ACBD6: variants seen among roughly 807,000 people sequenced by gnomAD.
ACBD6 encodes the protein acyl-CoA binding domain containing 6, also known as acyl-CoA-binding domain-containing protein 6.
Under a neutral mutation model 37.2 loss-of-function variants are expected in ACBD6, and 28 were observed. That is an observed-to-expected ratio of 0.75 (90% CI 0.56 to 1.03). ACBD6 has a LOEUF of 1.03. ACBD6 is among the 50% of genes least tolerant of loss of function. The pLI is 0.00. For synonymous variants in ACBD6, 113 were observed against 126.8 expected (o/e 0.89, Z 0.73); for missense variants, 340 against 337.4 (o/e 1.01, Z -0.06).
chr1:180,352,377 G>A lies in ACBD6; in HGVS notation c.664-37655C>T, dbSNP rs76146847. Among the ~76,000 whole-genome samples the A allele has an allele frequency of 3.8e-3, 572 of 152,170 alleles. 15 individuals carry two copies. The highest frequency in any genetic ancestry group is 0.031 in the Admixed American group (477 of 15,286). On this transcript the variant is annotated intron_variant, in intron 6 of 7. Transcript: ENST00000367595. ...TCCTGCCTTAGGCTCCTGAGGATCA[G>A]GAGGTTTTCACCACGTTGGCCAGAT...
exon 14 of ACBD6, chr1:180,271,724 T>C (rs1648673757): frequency 1.5e-6 from 2 of 1,347,520 alleles, no homozygotes; most frequent in East Asian, 4.6e-5. Context: ...CTCCCAGACC[T>C]GTGCTCCATT....
intron 3 of ACBD6, among the ~76,000 whole-genome samples, chr1:180,476,046 T>A (rs368447094): frequency 3.9e-5 from 6 of 152,326 alleles, no homozygotes; most frequent in African/African-American, 1.4e-4. Flanking sequence ...GTATATATTA[T>A]GGCTAGGGGA....
chr1:180,417,374 A>G (rs895010720), intron 4 of ACBD6, among the ~76,000 whole-genome samples: 3 of 152,200 alleles, frequency 2.0e-5, no homozygotes, highest in Non-Finnish European at 4.4e-5. Context: ...TTCAGGAAGT[A>G]TAACCAAAAG....
downstream of ACBD6, among the ~76,000 whole-genome samples, chr1:180,283,315 C>A (rs1158282200): frequency 6.6e-6 from 1 of 152,046 alleles, no homozygotes; most frequent in East Asian, 1.9e-4. Context: ...CTCCTTAATG[C>A]CCTCATAGTC....
intron 3 of ACBD6, among the ~76,000 whole-genome samples, chr1:180,491,082 T>C (rs1651485787): frequency 6.6e-6 from 1 of 152,100 alleles, no homozygotes. Flanking sequence ...ATTTTTAATA[T>C]GTCATAATAT....
chr1:180,413,505 G>A (rs1647946537), intron 4 of ACBD6, 34 bp from the exon 5 acceptor site: 2 of 1,423,020 alleles, frequency 1.4e-6, no homozygotes, highest in Non-Finnish European at 2.0e-6. Flanking sequence ...TTTTTTTACT[G>A]GGTAATACAT....
At chr1:180,464,526 C>T (rs1278205724) in intron 3 of ACBD6, among the ~76,000 whole-genome samples, 1 of 151,876 alleles carries the variant, frequency 6.6e-6, no homozygotes, top group African/African-American at 2.4e-5. Flanking sequence ...AAACACTGCT[C>T]AAAGAAATCA....
intron 3 of ACBD6, among the ~76,000 whole-genome samples, chr1:180,445,487 C>T (rs1182890115): frequency 2.0e-5 from 3 of 152,216 alleles, no homozygotes; most frequent in African/African-American, 7.2e-5. Flanking sequence ...GGCATTATCA[C>T]TGTATTTTAT....
At chr1:180,423,249 A>C (rs1486819578) in intron 4 of ACBD6, among the ~76,000 whole-genome samples, 1 of 152,226 alleles carries the variant, frequency 6.6e-6, no homozygotes, top group African/African-American at 2.4e-5. Flanking sequence ...TCAACGTATA[A>C]GTGGACCTAT....
intron 5 of ACBD6, among the ~76,000 whole-genome samples, chr1:180,399,155 GA>G (rs753141776): frequency 3.9e-5 from 6 of 152,144 alleles, no homozygotes; most frequent in Non-Finnish European, 7.3e-5. Context: ...AAAATCCTAA[GA>G]GGGGGGAAAG....
chr1:180,499,415 C>T (rs573343587), intron 1 of ACBD6, among the ~76,000 whole-genome samples: 1 of 152,194 alleles, frequency 6.6e-6, no homozygotes, highest in African/African-American at 2.4e-5. Flanking sequence ...CTCTAAACAC[C>T]ATAAAGTCAA....
At chr1:180,435,407 C>A in intron 3 of ACBD6, 1 of 407,520 alleles carries the variant, frequency 2.5e-6, no homozygotes, top group Non-Finnish European at 4.4e-6. Context: ...CGCCACCACG[C>A]CTGGCTAATT....
intron 6 of ACBD6, among the ~76,000 whole-genome samples, chr1:180,339,448 G>T (rs368202514): frequency 6.6e-6 from 1 of 152,146 alleles, no homozygotes; most frequent in Non-Finnish European, 1.5e-5. Context: ...ACCAAACACC[G>T]CATGTTCTCA....
chr1:180,291,759 T>C (rs1649718025), intron 7 of ACBD6, among the ~76,000 whole-genome samples: 2 of 152,196 alleles, frequency 1.3e-5, no homozygotes, highest in Non-Finnish European at 2.9e-5. Context: ...AAAAAAAACT[T>C]TGCCTACACC....
chr1:180,273,032 C>CT (rs149593456), intron 12 of ACBD6: 14,166 of 152,256 alleles, frequency 0.093, 871 homozygotes, highest in Admixed American at 0.19. Context: ...TTCCTGCTCC[C>CT]TTTAAAGAGC....
rs373777875 is a variant in ACBD6, at chr1:180,354,595, A to G, written c.664-39873T>C. ...AAGCTGTTTTATTTAGGGCCCCGAT[A>G]AAGTAGGACTGCCGATGAAAGAAAA... On this transcript the variant is annotated intron_variant, in intron 6 of 7. Transcript: ENST00000367595. Among the ~76,000 whole-genome samples, 15 of 152,344 alleles carry G rather than the reference A, an allele frequency of 9.8e-5. No homozygotes were observed. In the East Asian group the frequency reaches 1.2e-3, roughly 12 times the overall value.
chr1:180,355,125 A>G (rs1228230949), intron 6 of ACBD6, among the ~76,000 whole-genome samples: 1 of 152,178 alleles, frequency 6.6e-6, no homozygotes, highest in Non-Finnish European at 1.5e-5. Context: ...TTTTTACATG[A>G]GTTCTTTTAT....
chr1:180,494,548 A>G (rs908074570), intron 2 of ACBD6, among the ~76,000 whole-genome samples: 3 of 152,234 alleles, frequency 2.0e-5, no homozygotes, highest in Admixed American at 2.0e-4. Context: ...ATCTGGGTTC[A>G]AGCTCTGTAT....
In ACBD6 at chr1:180,414,325, T is replaced by C. The variant is rs116421832; in HGVS notation, c.468-854A>G. ...CAAGTATAAAGGAATGCATTTTGCG[T>C]TCCAAAAATCAAACTGATGTGTTTT... On this transcript the variant is annotated intron_variant, in intron 4 of 7. Coordinates refer to ENST00000367595, the MANE Select transcript of ACBD6 (RefSeq NM_032360.4). Among the ~76,000 whole-genome samples, 355 of 152,318 alleles carry C rather than the reference T, an allele frequency of 2.3e-3. 1 individual carries two copies. Among genetic ancestry groups the C allele is most frequent in the African/African-American group, 8.4e-3 (349 of 41,568 alleles).
Sources: gnomAD v4.1 joint callset for allele counts (sites outside exome capture counted in the v4.1 genomes callset) on GRCh38, gnomAD v4.1.1 for gene constraint, MANE v1.5 for transcripts, NCBI Gene and HGNC (gene_info 2026-07-23, HGNC 2026-07-21) for gene names.